The following UGT1A6 variants were observed in gnomAD, a reference collection of about 807,000 sequenced individuals.
The protein encoded by UGT1A6 is UDP glucuronosyltransferase family 1 member A6.
A neutral mutation model predicts 44.4 loss-of-function variants in UGT1A6; 32 were observed. The observed-to-expected ratio is 0.72, with a 90% CI of 0.54 to 0.97. UGT1A6 has a LOEUF of 0.97. UGT1A6 is among the 50% of genes least tolerant of loss of function. The probability of loss-of-function intolerance (pLI) is 0.00; values close to 1 mark genes in which losing one functional copy is unlikely to be tolerated. For missense variants in UGT1A6, 685 were observed against 661.9 expected, an observed-to-expected ratio of 1.03 and a Z score of -0.38; for synonymous variants, 238 against 248.5, an observed-to-expected ratio of 0.96 and a Z score of 0.40.
chr2:233,705,905 T>C (rs1056214511), intron 1 of UGT1A6, among the ~76,000 whole-genome samples: 1 of 152,030 alleles, frequency 6.6e-6, no homozygotes, highest in African/African-American at 2.4e-5. Context: ...CTGGCCAAAA[T>C]AGTGAAACTC....
At chr2:233,720,463 G>A (rs2076862046) in intron 1 of UGT1A6, among the ~76,000 whole-genome samples, 1 of 152,124 alleles carries the variant, frequency 6.6e-6, no homozygotes, top group African/African-American at 2.4e-5. Flanking sequence ...GCTGGGACCA[G>A]TGATGAATGG....
At chr2:233,726,906 T>G (rs1286190236) in intron 1 of UGT1A6, among the ~76,000 whole-genome samples, 2 of 152,198 alleles carry the variant, frequency 1.3e-5, no homozygotes, top group Non-Finnish European at 2.9e-5. Flanking sequence ...TTCAATTATC[T>G]CCTTTTTTCC....
At chr2:233,697,567 A>T (rs1248890446) in intron 1 of UGT1A6, among the ~76,000 whole-genome samples, 1 of 148,818 alleles carries the variant, frequency 6.7e-6, no homozygotes, top group African/African-American at 2.5e-5. Context: ...GCCTCAATTT[A>T]ATTTATTTTT....
At chr2:233,711,896 C>T (rs1316826464) in intron 1 of UGT1A6, among the ~76,000 whole-genome samples, 1 of 152,152 alleles carries the variant, frequency 6.6e-6, no homozygotes, top group African/African-American at 2.4e-5. Flanking sequence ...GTCTCATGGG[C>T]GTGAGACCAT....
intron 1 of UGT1A6, chr2:233,744,011 C>T (rs1159851013): frequency 1.6e-5 from 18 of 1,116,766 alleles, no homozygotes; most frequent in East Asian, 5.5e-5. Context: ...AGACCTGGGC[C>T]GCCTGGAGAG....
intron 1 of UGT1A6, chr2:233,718,134 G>A: frequency 3.8e-6 from 1 of 266,146 alleles, no homozygotes; most frequent in East Asian, 8.0e-5. Flanking sequence ...TGTAGATGGA[G>A]AATCCTCAAT....
intron 1 of UGT1A6, among the ~76,000 whole-genome samples, chr2:233,709,998 CAATTA>C (rs2076103213): frequency 3.3e-5 from 5 of 152,170 alleles, no homozygotes; most frequent in African/African-American, 9.7e-5. Context: ...TGGAATCATA[CAATTA>C]TGAATGAAAA....
In UGT1A6 at chr2:233,758,028, C is replaced by A. The variant is rs116537239; in HGVS notation, c.862-9006C>A. 3.8e-3 allele frequency among the ~76,000 whole-genome samples: 585 copies of A among 152,248 alleles called. 2 individuals are homozygous for A. Among genetic ancestry groups the A allele is most frequent in the African/African-American group, 0.013 (559 of 41,526 alleles). On this transcript the variant is annotated intron_variant, in intron 1 of 4. Coordinates refer to ENST00000305139, the MANE Select transcript of UGT1A6 (RefSeq NM_001072.4). ...CATGAGTTTGTCTCTGTCTACCTGA[C>A]CCCTCCTTTCAGGCAAGGACCATTT...
chr2:233,741,124 A>T (rs1048949215), intron 1 of UGT1A6, among the ~76,000 whole-genome samples: 1 of 151,714 alleles, frequency 6.6e-6, no homozygotes, highest in Non-Finnish European at 1.5e-5. Context: ...ACTTCTATAA[A>T]AGCAACACTT....
At chr2:233,741,073 T>C (rs1691558137) in intron 1 of UGT1A6, among the ~76,000 whole-genome samples, 1 of 151,920 alleles carries the variant, frequency 6.6e-6, no homozygotes, top group South Asian at 2.1e-4. Context: ...AGCGAGACCC[T>C]GTCTTTAAAA....
chr2:233,734,549 C>A (rs1463144375), intron 1 of UGT1A6, among the ~76,000 whole-genome samples: 2 of 152,092 alleles, frequency 1.3e-5, no homozygotes, highest in Non-Finnish European at 2.9e-5. Flanking sequence ...TTCTTCCCTT[C>A]TGCTAGCTTT....
chr2:233,694,688 C>T (rs1334896868), intron 1 of UGT1A6, among the ~76,000 whole-genome samples: 1 of 152,190 alleles, frequency 6.6e-6, no homozygotes, highest in East Asian at 1.9e-4. Flanking sequence ...GTCCCAAAGA[C>T]CCTTACCTCT....
At chr2:233,760,586 T>G in intron 1 of UGT1A6, 1 of 1,614,234 alleles carries the variant, frequency 6.2e-7, no homozygotes, top group Non-Finnish European at 8.5e-7. Flanking sequence ...CATAATGTTT[T>G]TGAGAATGAT....
intron 1 of UGT1A6, among the ~76,000 whole-genome samples, chr2:233,714,632 T>C (rs994949094): frequency 2.6e-5 from 4 of 152,224 alleles, no homozygotes; most frequent in African/African-American, 7.2e-5. Context: ...ACCACTAAAA[T>C]TAATGTGAAT....
Position 233,700,950 on chromosome 2 carries a change from A to G in UGT1A6, c.861+7085A>G, listed in dbSNP as rs146993694. The stretch of plus-strand genomic sequence containing the variant: ...GTGTGTGATTGTTCAATTCCCACCT[A>G]TGAGTGAGAACATGCGGTGTTTGAT... On this transcript the variant is annotated intron_variant, in intron 1 of 4. Coordinates refer to ENST00000305139, the MANE Select transcript of UGT1A6 (RefSeq NM_001072.4). Among the ~76,000 whole-genome samples, 245 of 151,526 alleles carry G rather than the reference A, an allele frequency of 1.6e-3. 4 individuals are homozygous for G. The East Asian group carries it at 0.036, about 22-fold the overall frequency.
At chr2:233,704,337 A>G (rs2075781875) in intron 1 of UGT1A6, among the ~76,000 whole-genome samples, 1 of 144,470 alleles carries the variant, frequency 6.9e-6, no homozygotes. Flanking sequence ...CCACTATTTA[A>G]AAAGTTGTGT....
chr2:233,768,128 C>A, intron 3 of UGT1A6, 92 bp from the exon 4 acceptor site: 1 of 1,605,472 alleles, frequency 6.2e-7, no homozygotes, highest in Non-Finnish European at 8.5e-7. Context: ...GTGAGTAACA[C>A]TGAGTCTTTG....
intron 1 of UGT1A6, chr2:233,743,937 C>G (rs1692597235): frequency 7.4e-7 from 1 of 1,355,896 alleles, no homozygotes; most frequent in Non-Finnish European, 9.9e-7. Context: ...CAGAACGGCC[C>G]ACCAGGCACT....
At chr2:233,761,602 T>C (rs529551747) in intron 1 of UGT1A6, among the ~76,000 whole-genome samples, 4 of 152,366 alleles carry the variant, frequency 2.6e-5, no homozygotes, top group African/African-American at 9.6e-5. Flanking sequence ...AGCTCCAGTT[T>C]CTAAATATTC....
Sources: gnomAD v4.1 joint callset for allele counts (sites outside exome capture counted in the v4.1 genomes callset) on GRCh38, gnomAD v4.1.1 for gene constraint, MANE v1.5 for transcripts, NCBI Gene and HGNC (gene_info 2026-07-23, HGNC 2026-07-21) for gene names.